The following CACNA2D3 variants were observed in gnomAD, a reference collection of about 807,000 sequenced individuals.
CACNA2D3 encodes the protein calcium voltage-gated channel auxiliary subunit alpha2delta 3, also known as voltage-dependent calcium channel subunit alpha-2/delta-3.
In CACNA2D3, 60 loss-of-function variants were observed where a neutral mutation model predicts 160.6. The observed-to-expected ratio is 0.37, with a 90% CI of 0.30 to 0.46. The LOEUF (loss-of-function observed/expected upper bound fraction) is 0.46. Ranked by LOEUF, CACNA2D3 falls within the 20% of genes least tolerant of loss-of-function variation. The pLI is 1.00. For synonymous variants in CACNA2D3, 558 were observed against 492.9 expected, an observed-to-expected ratio of 1.13 and a Z score of -1.75; for missense variants, 1,205 against 1,365.0, an observed-to-expected ratio of 0.88 and a Z score of 1.85.
At chr3:54,216,754 G>T (rs896853447) in intron 2 of CACNA2D3, among the ~76,000 whole-genome samples, 22 of 152,152 alleles carry the variant, frequency 1.4e-4, no homozygotes, top group African/African-American at 5.1e-4. Context: ...ATAAGCCCAG[G>T]TGTAAGACGG....
intron 27 of CACNA2D3, among the ~76,000 whole-genome samples, chr3:54,907,548 C>T (rs927214960): frequency 1.1e-4 from 17 of 152,054 alleles, no homozygotes; most frequent in Admixed American, 7.2e-4. Context: ...TTATTATTGT[C>T]GCCCTCTTCA....
chr3:54,982,797 A>G (rs1450767687), intron 29 of CACNA2D3, among the ~76,000 whole-genome samples: 1 of 151,734 alleles, frequency 6.6e-6, no homozygotes, highest in African/African-American at 2.4e-5. Context: ...ACTTCTTGAC[A>G]TTGCCGTGAC....
chr3:54,126,320 T>G (rs1699590375), intron 2 of CACNA2D3, among the ~76,000 whole-genome samples: 1 of 152,240 alleles, frequency 6.6e-6, no homozygotes, highest in South Asian at 2.1e-4. Flanking sequence ...AACTGCCATT[T>G]TGGTAACATG....
At chr3:55,011,141 CT>C (rs1221599688) in intron 34 of CACNA2D3, among the ~76,000 whole-genome samples, 1 of 152,224 alleles carries the variant, frequency 6.6e-6, no homozygotes, top group Non-Finnish European at 1.5e-5. Flanking sequence ...AGTTCTGCCC[CT>C]GCTGATGCCC....
At chr3:54,229,231 G>A (rs1436302714) in intron 2 of CACNA2D3, among the ~76,000 whole-genome samples, 12 of 149,920 alleles carry the variant, frequency 8.0e-5, no homozygotes, top group South Asian at 4.2e-4. Context: ...TCGCTCTGTC[G>A]CCCAGGCTGG....
At chr3:54,632,289 T>C (rs1038250515) in intron 10 of CACNA2D3, 10 of 152,250 alleles carry the variant, frequency 6.6e-5, no homozygotes, top group African/African-American at 2.4e-4. Flanking sequence ...ATCTTCTTTT[T>C]TCCTCTCTTT....
In CACNA2D3 at chr3:54,499,692, C is replaced by G. The variant is rs552096518; in HGVS notation, c.382-3800C>G. ...TCTCCAAATATTTTGGGATTTTTTT[C>G]AGCTATCTTTTTTGTTATTGATTTC... On this transcript the variant is annotated intron_variant, in intron 4 of 37. Transcript: ENST00000474759. Among the ~76,000 whole-genome samples, 8 of 152,072 alleles carry G rather than the reference C, an allele frequency of 5.3e-5. No homozygotes were observed. In the South Asian group the frequency reaches 1.7e-3, roughly 32 times the overall value.
intron 11 of CACNA2D3, among the ~76,000 whole-genome samples, chr3:54,710,666 G>C (rs1700937089): frequency 6.6e-6 from 1 of 152,198 alleles, no homozygotes; most frequent in Admixed American, 6.5e-5. Context: ...TTGGTGAACA[G>C]CTTGATTTTA....
chr3:54,920,344 G>T (rs907603790), intron 27 of CACNA2D3, among the ~76,000 whole-genome samples: 2 of 152,184 alleles, frequency 1.3e-5, no homozygotes, highest in African/African-American at 4.8e-5. Flanking sequence ...ACACACCAGG[G>T]TGAGTGGCAG....
chr3:54,459,957 G>A (rs1377950696), intron 4 of CACNA2D3, among the ~76,000 whole-genome samples: 1 of 152,158 alleles, frequency 6.6e-6, no homozygotes, highest in Non-Finnish European at 1.5e-5. Context: ...TGTATAAGGT[G>A]TAAGGAAGGG....
chr3:54,217,307 G>A (rs1436699561), intron 2 of CACNA2D3, among the ~76,000 whole-genome samples: 1 of 152,186 alleles, frequency 6.6e-6, no homozygotes, highest in Admixed American at 6.5e-5. Context: ...GCCTCAGCCA[G>A]TGGCAGTGTC....
chr3:54,182,265 A>G (rs1700798564), intron 2 of CACNA2D3, among the ~76,000 whole-genome samples: 1 of 152,214 alleles, frequency 6.6e-6, no homozygotes, highest in Non-Finnish European at 1.5e-5. Flanking sequence ...TTTTGCTTTA[A>G]ATGAGATTTT....
At chr3:54,806,543 G>A (rs1287530975) in intron 13 of CACNA2D3, among the ~76,000 whole-genome samples, 2 of 151,670 alleles carry the variant, frequency 1.3e-5, no homozygotes, top group East Asian at 3.9e-4. Flanking sequence ...ACTGCTCAAT[G>A]AAATAAAAGA....
intron 4 of CACNA2D3, among the ~76,000 whole-genome samples, chr3:54,460,854 A>G (rs1160281863): frequency 6.6e-6 from 1 of 151,186 alleles, no homozygotes; most frequent in Non-Finnish European, 1.5e-5. Context: ...GTCTTGTGCC[A>G]GTTTTCAAAG....
At chr3:54,819,741 A>G (rs1394622602) in intron 14 of CACNA2D3, among the ~76,000 whole-genome samples, 18 of 152,044 alleles carry the variant, frequency 1.2e-4, no homozygotes, top group Non-Finnish European at 1.0e-4. Context: ...GCTAATCCAG[A>G]GGCTGGGGCA....
chr3:54,611,704 T>G (rs1296445818), intron 9 of CACNA2D3, among the ~76,000 whole-genome samples: 1 of 152,160 alleles, frequency 6.6e-6, no homozygotes, highest in African/African-American at 2.4e-5. Flanking sequence ...GAGAAGAATC[T>G]TTTCAAACTT....
chr3:54,971,900 T>C (rs999405745), intron 29 of CACNA2D3, among the ~76,000 whole-genome samples: 1 of 152,186 alleles, frequency 6.6e-6, no homozygotes, highest in Admixed American at 6.5e-5. Context: ...GATAGAAATA[T>C]CCACCTCACA....
At chr3:54,313,898 T>G (rs747431171) in intron 2 of CACNA2D3, among the ~76,000 whole-genome samples, 3 of 152,090 alleles carry the variant, frequency 2.0e-5, no homozygotes, top group Admixed American at 6.6e-5. Context: ...TTTAAATTTT[T>G]TTTTTTTTAA....
At chr3:54,719,722 C>T (rs1431658212) in intron 11 of CACNA2D3, among the ~76,000 whole-genome samples, 2 of 151,966 alleles carry the variant, frequency 1.3e-5, no homozygotes, top group African/African-American at 4.8e-5. Flanking sequence ...AAGATTGTTA[C>T]TTCTTCCTTA....
Sources: gnomAD v4.1 joint callset for allele counts (sites outside exome capture counted in the v4.1 genomes callset) on GRCh38, gnomAD v4.1.1 for gene constraint, MANE v1.5 for transcripts, NCBI Gene and HGNC (gene_info 2026-07-23, HGNC 2026-07-21) for gene names.